Variants in ATXN1 observed in about 807,000 individuals in gnomAD.
ATXN1 encodes the protein ataxin-1.
ATXN1 carries 8 observed loss-of-function variants against 56.4 expected under a neutral mutation model. The ratio of observed to expected loss-of-function variants is 0.14; its 90% CI spans 0.08 to 0.26. The LOEUF (loss-of-function observed/expected upper bound fraction) is 0.26. Among genes scored for constraint, ATXN1 ranks in the 10% least tolerant of loss-of-function variants. The pLI is 1.00. For synonymous variants in ATXN1, 514 were observed against 494.6 expected (o/e 1.04, Z -0.52); for missense variants, 987 against 1,106.5 (o/e 0.89, Z 1.53).
At chr6:16,477,437 A>G (rs1760348968) in intron 6 of ATXN1, among the ~76,000 whole-genome samples, 1 of 152,206 alleles carries the variant, frequency 6.6e-6, no homozygotes, top group Admixed American at 6.5e-5. Flanking sequence ...ATGAGAGGAG[A>G]GCAATTAAGA....
chr6:16,639,467 C>A (rs1441227261), intron 3 of ATXN1, among the ~76,000 whole-genome samples: 1 of 152,154 alleles, frequency 6.6e-6, no homozygotes, highest in African/African-American at 2.4e-5. Context: ...GCATGCCCCA[C>A]CACACCCGGC....
chr6:16,688,974 T>C (rs1383396054), intron 2 of ATXN1, among the ~76,000 whole-genome samples: 2 of 152,108 alleles, frequency 1.3e-5, no homozygotes, highest in Admixed American at 6.5e-5. Context: ...GTGTATTGCA[T>C]GTGTATGTAC....
At chr6:16,584,957 G>A (rs539928574) in intron 4 of ATXN1, among the ~76,000 whole-genome samples, 2 of 152,262 alleles carry the variant, frequency 1.3e-5, no homozygotes, top group South Asian at 4.1e-4. Context: ...AAATGTCTGG[G>A]TGTGGTGGAT....
intron 3 of ATXN1, among the ~76,000 whole-genome samples, chr6:16,656,690 T>C (rs1361216736): frequency 6.6e-6 from 1 of 152,202 alleles, no homozygotes; most frequent in African/African-American, 2.4e-5. Flanking sequence ...ATCTTTCACC[T>C]TGCCCATCAC....
intron 6 of ATXN1, among the ~76,000 whole-genome samples, chr6:16,411,125 C>CA (rs746717153): frequency 0.093 from 7,509 of 80,356 alleles, 491 homozygotes; most frequent in South Asian, 0.18. Flanking sequence ...ACCTCTGTGT[C>CA]AAAAAAAAAA....
At chr6:16,558,007 G>A in intron 4 of ATXN1, among the ~76,000 whole-genome samples, 1 of 152,180 alleles carries the variant, frequency 6.6e-6, no homozygotes, top group Non-Finnish European at 1.5e-5. Context: ...GGATACCAGG[G>A]GCCAGAAGGT....
At chr6:16,643,295 T>C (rs555070617) in intron 3 of ATXN1, among the ~76,000 whole-genome samples, 4 of 148,320 alleles carry the variant, frequency 2.7e-5, no homozygotes, top group East Asian at 4.0e-4. Context: ...GCTATGCCTG[T>C]GTCTAAAAAA....
At chr6:16,368,818 A>G (rs972590836) in intron 6 of ATXN1, among the ~76,000 whole-genome samples, 2 of 152,246 alleles carry the variant, frequency 1.3e-5, no homozygotes, top group African/African-American at 4.8e-5. Flanking sequence ...CTACAAAACT[A>G]TATTAATTTT....
intron 6 of ATXN1, among the ~76,000 whole-genome samples, chr6:16,371,201 TA>T: frequency 6.6e-6 from 1 of 152,328 alleles, no homozygotes; most frequent in East Asian, 1.9e-4. Context: ...TTAATTGGTT[TA>T]AAAATACTCA....
intron 6 of ATXN1, among the ~76,000 whole-genome samples, chr6:16,456,187 C>T (rs1388514499): frequency 2.6e-5 from 4 of 152,176 alleles, no homozygotes; most frequent in East Asian, 1.9e-4. Flanking sequence ...CGTGAAGGTC[C>T]GTGCCTCCAT....
At chr6:16,732,851 C>T (rs1760021859) in intron 2 of ATXN1, among the ~76,000 whole-genome samples, 1 of 152,124 alleles carries the variant, frequency 6.6e-6, no homozygotes, top group Non-Finnish European at 1.5e-5. Flanking sequence ...TTTGTAATTT[C>T]ATGGAAGTAA....
At chr6:16,707,717 G>A (rs1393552745) in intron 2 of ATXN1, among the ~76,000 whole-genome samples, 1 of 152,190 alleles carries the variant, frequency 6.6e-6, no homozygotes, top group Non-Finnish European at 1.5e-5. Context: ...CAGACTGAGA[G>A]AGAAGAGGTC....
At chr6:16,325,992 TC>T (rs2113407478) in intron 7 of ATXN1, among the ~76,000 whole-genome samples, 1 of 152,324 alleles carries the variant, frequency 6.6e-6, no homozygotes, top group South Asian at 2.1e-4. Context: ...TAGCATCTAA[TC>T]CCCTCACTCC....
At chr6:16,360,502 C>T (rs1037494199) in intron 6 of ATXN1, among the ~76,000 whole-genome samples, 5 of 152,188 alleles carry the variant, frequency 3.3e-5, no homozygotes, top group Non-Finnish European at 7.3e-5. Context: ...TCCCACATCA[C>T]GAAGCAAATG....
intron 6 of ATXN1, among the ~76,000 whole-genome samples, chr6:16,425,284 C>T (rs986729665): frequency 3.3e-5 from 5 of 152,234 alleles, no homozygotes; most frequent in African/African-American, 9.6e-5. Flanking sequence ...ACGTTGTTTA[C>T]CAAAAGTATC....
At chr6:16,422,695 A>G (rs1357995230) in intron 6 of ATXN1, among the ~76,000 whole-genome samples, 1 of 152,202 alleles carries the variant, frequency 6.6e-6, no homozygotes, top group Admixed American at 6.5e-5. Context: ...CTTTTACAAT[A>G]AAGATTCAGT....
chr6:16,560,283 T>G (rs1052493850), intron 4 of ATXN1, among the ~76,000 whole-genome samples: 2 of 151,614 alleles, frequency 1.3e-5, no homozygotes, highest in Non-Finnish European at 2.9e-5. Flanking sequence ...TACAAAAATT[T>G]GCTGGGCATG....
chr6:16,593,146 T>C (rs1354516132), intron 3 of ATXN1, among the ~76,000 whole-genome samples: 1 of 152,102 alleles, frequency 6.6e-6, no homozygotes, highest in African/African-American at 2.4e-5. Context: ...CATTTTATAA[T>C]ACCCTTGGAA....
At chr6:16,363,842 T>C (rs1761863225) in intron 6 of ATXN1, among the ~76,000 whole-genome samples, 1 of 152,216 alleles carries the variant, frequency 6.6e-6, no homozygotes, top group South Asian at 2.1e-4. Flanking sequence ...TCAGTCAGTC[T>C]GCTGAGATGG....
Sources: gnomAD v4.1 joint callset for allele counts (sites outside exome capture counted in the v4.1 genomes callset) on GRCh38, gnomAD v4.1.1 for gene constraint, MANE v1.5 for transcripts, NCBI Gene and HGNC (gene_info 2026-07-23, HGNC 2026-07-21) for gene names.